The following SENP2 variants were observed in gnomAD, a reference collection of about 807,000 sequenced individuals.
SENP2 encodes the protein SUMO specific peptidase 2.
A neutral mutation model predicts 86.3 loss-of-function variants in SENP2; 16 were observed. The observed-to-expected ratio is 0.19, with a 90% CI of 0.13 to 0.28. The LOEUF (loss-of-function observed/expected upper bound fraction) is 0.28, where lower values mean the gene tolerates loss of function less well. Among genes scored for constraint, SENP2 ranks in the 10% least tolerant of loss-of-function variants. The pLI is 1.00. For missense variants in SENP2, 552 were observed against 703.0 expected (o/e 0.79, Z 2.43); for synonymous variants, 222 against 238.7 (o/e 0.93, Z 0.64).
At chr3:185,603,043 G>T (rs945165365) in intron 5 of SENP2, among the ~76,000 whole-genome samples, 1 of 150,446 alleles carries the variant, frequency 6.6e-6, no homozygotes, top group Non-Finnish European at 1.5e-5. Context: ...CTCCTGAGTA[G>T]CAGGGACTAC....
Position 185,586,322 on chromosome 3 carries a change from G to C in SENP2, c.-92G>C, listed in dbSNP as rs1721777758. ...AAATCAGCGACCGAACTCTGGCGGT[G>C]GTGGTTAAGACGGCGAAGGCGGCAG... On this transcript the variant is annotated 5_prime_UTR_variant, in exon 1 of 17. Transcript: ENST00000296257. This position sits in a 1 kb window ranked among gnomAD's most constrained non-coding sequence, Gnocchi z 4.3. 3 of 1,580,872 alleles carry C rather than the reference G, an allele frequency of 1.9e-6. No homozygotes were observed. Among genetic ancestry groups the C allele is most frequent in the Non-Finnish European group, 2.6e-6 (3 of 1,164,526 alleles).
At chr3:185,614,366 G>A (rs1427395810) in intron 10 of SENP2, 198 bp from the exon 11 acceptor site, 4 of 531,594 alleles carry the variant, frequency 7.5e-6, no homozygotes, top group African/African-American at 1.9e-5. Context: ...ATAACTGAGG[G>A]TCCTGTGAGG....
rs775816658 is a variant in SENP2 at position 185,590,090 on chromosome 3, TA to T, written c.102-23del. ...ATGTGTGTGTAAATCTATATATATA[TA>T]TTTTTTTCTTTCTCTTTTTCAGCAC... On this transcript the variant is annotated intron_variant, in intron 1 of 16. Coordinates refer to ENST00000296257, the MANE Select transcript of SENP2 (RefSeq NM_021627.3). The T allele has an allele frequency of 1.1e-4, 152 of 1,343,970 alleles. 1 individual carries two copies. The highest frequency in any genetic ancestry group is 4.4e-4 in the Middle Eastern group (2 of 4,546). 83.3% of individuals were successfully genotyped at this position (1,343,970 alleles called of 1,614,324 possible).
At chr3:185,602,952 A>C (rs2148985600) in intron 5 of SENP2, among the ~76,000 whole-genome samples, 1 of 113,728 alleles carries the variant, frequency 8.8e-6, no homozygotes, top group Admixed American at 1.2e-4. Context: ...TTGCTCTGTC[A>C]CCCAGGCTGG....
At chr3:185,602,985 T>C (rs1344631520) in intron 5 of SENP2, among the ~76,000 whole-genome samples, 1 of 143,850 alleles carries the variant, frequency 7.0e-6, no homozygotes, top group African/African-American at 2.6e-5. Flanking sequence ...TGATCTCGGC[T>C]CACTGCAACC....
chr3:185,598,500 A>T lies in SENP2; in HGVS notation c.246A>T (p.Val82=). The change falls in exon 3 of 17, where the codon GTA becomes GTT. Residue 82 remains valine, a synonymous_variant. Coordinates refer to ENST00000296257, the MANE Select transcript of SENP2 (RefSeq NM_021627.3). ...FPFQLTTKPM[V]TSACNGTRNV... ...TCCAGCTGACCACAAAGCCCATGGTAACTTCTGCTTGTAATGGAACACGGA... is the reference window on the plus strand; with the variant it reads ...TCCAGCTGACCACAAAGCCCATGGTTACTTCTGCTTGTAATGGAACACGGA... The T allele has an allele frequency of 6.2e-7, 1 of 1,614,126 alleles. No homozygotes were observed. Among genetic ancestry groups the T allele is most frequent in the Non-Finnish European group, 8.5e-7 (1 of 1,180,012 alleles).
intron 6 of SENP2, among the ~76,000 whole-genome samples, chr3:185,607,300 G>C (rs1722547428): frequency 6.9e-6 from 1 of 145,774 alleles, no homozygotes; most frequent in Non-Finnish European, 1.5e-5. Context: ...GTCATATTAG[G>C]AAGAGATAAG....
intron 1 of SENP2, among the ~76,000 whole-genome samples, chr3:185,588,677 C>T (rs927050828): frequency 6.6e-6 from 1 of 152,104 alleles, no homozygotes; most frequent in Non-Finnish European, 1.5e-5. Context: ...ATTTTTCTCT[C>T]CTATCTTTCC....
intron 4 of SENP2, 136 bp downstream of exon 4, chr3:185,599,160 A>T (rs972617053): frequency 1.6e-6 from 1 of 629,038 alleles, no homozygotes. Flanking sequence ...TCTAAAAAGC[A>T]AATAGCTTTT....
rs1402257060 is a variant in SENP2, at chr3:185,631,176, G to C, written c.*1332G>C. On this transcript the variant is annotated 3_prime_UTR_variant, in exon 17 of 17. Coordinates refer to ENST00000296257, the MANE Select transcript of SENP2 (RefSeq NM_021627.3). ...CTTGTTCTGGTTCATAAAAGCAAGA[G>C]GTAAAACTGGAAAAATTGTGCACGT... is the stretch of plus-strand genomic sequence containing the variant. 6.6e-6 allele frequency: 1 copy of C among 152,020 alleles called. No individual in the cohort carries two copies. The highest frequency in any genetic ancestry group is 1.9e-4 in the East Asian group (1 of 5,178). 9.4% of individuals were successfully genotyped at this position (152,020 alleles called of 1,614,324 possible). A position where few individuals can be genotyped will look rare whatever the true frequency, so the allele number is the denominator to read the frequency against.
Position 185,631,358 on chromosome 3 carries a change from C to CT in SENP2, c.*1515dup, listed in dbSNP as rs1235676585. ...GTGTGGATGGAAAATGCTGGGCCTA[C>CT]TGGATGGTCAGCCAGAGGCCATGTG... On this transcript the variant is annotated 3_prime_UTR_variant, in exon 17 of 17. Coordinates refer to ENST00000296257, the MANE Select transcript of SENP2 (RefSeq NM_021627.3). 1 of 151,118 alleles carries CT rather than the reference C, an allele frequency of 6.6e-6. No homozygotes were observed. The highest frequency in any genetic ancestry group is 1.9e-4 in the East Asian group (1 of 5,138). 9.4% of individuals were successfully genotyped at this position (151,118 alleles called of 1,614,324 possible).
chr3:185,617,793 T>C (rs1156768233), intron 12 of SENP2, among the ~76,000 whole-genome samples, 182 bp downstream of exon 12: 1 of 152,248 alleles, frequency 6.6e-6, no homozygotes, highest in Non-Finnish European at 1.5e-5. Context: ...TGATTAGCGA[T>C]GTTTCCCTTT....
chr3:185,614,144 T>A (rs1401374627), intron 10 of SENP2, among the ~76,000 whole-genome samples: 2 of 152,214 alleles, frequency 1.3e-5, no homozygotes, highest in Non-Finnish European at 2.9e-5. Flanking sequence ...TAATATCAAA[T>A]GACTTTTTTC....
intron 16 of SENP2, among the ~76,000 whole-genome samples, chr3:185,629,272 T>C (rs1021486494): frequency 6.6e-6 from 1 of 152,168 alleles, no homozygotes; most frequent in Non-Finnish European, 1.5e-5. Flanking sequence ...TTCCTTAACA[T>C]ATAAAAATGC....
rs779543516 is a variant in SENP2, at chr3:185,632,947, G to T, written c.*3103G>T. 6.6e-6 allele frequency: 1 copy of T among 152,188 alleles called. No homozygotes were observed. Among genetic ancestry groups the T allele is most frequent in the African/African-American group, 2.4e-5 (1 of 41,436 alleles). 9.4% of individuals were successfully genotyped at this position (152,188 alleles called of 1,614,324 possible). A position where few individuals can be genotyped will look rare whatever the true frequency, so the allele number is the denominator to read the frequency against. On this transcript the variant is annotated 3_prime_UTR_variant, in exon 17 of 17. Transcript: ENST00000296257. ...TTTAAAAATATACCATTGAGAACAC[G>T]TATCTTTCTCAAACTTGACCTTGAA...
intron 2 of SENP2, among the ~76,000 whole-genome samples, chr3:185,596,820 C>A (rs1306980384): frequency 6.6e-6 from 1 of 151,756 alleles, no homozygotes; most frequent in African/African-American, 2.4e-5. Flanking sequence ...TTAATCATGC[C>A]CTCACCTCTG....
intron 5 of SENP2, among the ~76,000 whole-genome samples, chr3:185,603,203 C>T (rs547990754): frequency 2.6e-5 from 4 of 152,140 alleles, no homozygotes; most frequent in African/African-American, 7.2e-5. Flanking sequence ...TGAGCCACCA[C>T]GCCCAGCCCA....
chr3:185,611,400 C>G, intron 7 of SENP2: 1 of 352,756 alleles, frequency 2.8e-6, no homozygotes, highest in Non-Finnish European at 5.2e-6. Context: ...TAGTGCATCA[C>G]TGGGGATTCA....
intron 2 of SENP2, among the ~76,000 whole-genome samples, chr3:185,593,814 C>T (rs542579870): frequency 1.3e-5 from 2 of 151,640 alleles, no homozygotes; most frequent in African/African-American, 4.8e-5. Flanking sequence ...TTGCAACCTC[C>T]ACCTCCCAGG....
Sources: gnomAD v4.1 joint callset for allele counts (sites outside exome capture counted in the v4.1 genomes callset) on GRCh38, gnomAD v4.1.1 for gene constraint, Gnocchi (gnomAD v3.1) non-coding constraint, MANE v1.5 for transcripts, NCBI Gene and HGNC (gene_info 2026-07-23, HGNC 2026-07-21) for gene names.